CPVL: variants seen among roughly 807,000 people sequenced by gnomAD.
CPVL encodes carboxypeptidase vitellogenic like, also known as probable serine carboxypeptidase CPVL.
CPVL carries 51 observed loss-of-function variants against 63.7 expected under a neutral mutation model. That is an observed-to-expected ratio of 0.80 (90% CI 0.64 to 1.01). CPVL has a LOEUF of 1.01. CPVL is among the 50% of genes least tolerant of loss of function. The pLI is 0.00. For synonymous variants in CPVL, 195 were observed against 206.0 expected (o/e 0.95, Z 0.46); for missense variants, 530 against 573.1 (o/e 0.92, Z 0.77).
At chr7:29,088,126 T>C (rs935212734) in intron 6 of CPVL, among the ~76,000 whole-genome samples, 4 of 152,246 alleles carry the variant, frequency 2.6e-5, no homozygotes, top group African/African-American at 9.6e-5. Context: ...TATTTCCTTG[T>C]AGTATTTGCT....
intron 11 of CPVL, among the ~76,000 whole-genome samples, chr7:29,040,263 A>T (rs1236686038): frequency 1.3e-5 from 2 of 152,158 alleles, no homozygotes; most frequent in African/African-American, 4.8e-5. Context: ...CCTTCCCCCT[A>T]AGCAGAAAAG....
intron 5 of CPVL, among the ~76,000 whole-genome samples, chr7:29,161,804 T>C (rs1389915061): frequency 2.0e-5 from 3 of 152,186 alleles, no homozygotes; most frequent in Non-Finnish European, 4.4e-5. Context: ...CTATAGAATA[T>C]ATAAAGAGTT....
intron 7 of CPVL, among the ~76,000 whole-genome samples, chr7:29,077,490 A>T (rs1784347279): frequency 6.6e-6 from 1 of 152,196 alleles, no homozygotes; most frequent in African/African-American, 2.4e-5. Context: ...GGCAGGTGGA[A>T]AGAGGGAGTT....
chr7:29,031,732 G>A (rs1353345476), intron 11 of CPVL, among the ~76,000 whole-genome samples: 1 of 152,032 alleles, frequency 6.6e-6, no homozygotes, highest in Non-Finnish European at 1.5e-5. Flanking sequence ...CAATCCAGAA[G>A]TCCTATAATT....
chr7:29,037,633 C>T (rs895057700), intron 11 of CPVL, among the ~76,000 whole-genome samples: 1 of 150,978 alleles, frequency 6.6e-6, no homozygotes, highest in Non-Finnish European at 1.5e-5. Flanking sequence ...GCATGTGAAG[C>T]ATGATAAAGT....
chr7:29,039,330 C>T (rs1788843942), intron 11 of CPVL, among the ~76,000 whole-genome samples: 1 of 152,016 alleles, frequency 6.6e-6, no homozygotes. Context: ...TAGAGTATGC[C>T]TCTGAGGGGT....
chr7:29,079,973 GA>G (rs1784545075), intron 7 of CPVL, among the ~76,000 whole-genome samples: 1 of 152,164 alleles, frequency 6.6e-6, no homozygotes. Flanking sequence ...GATACAGATG[GA>G]AGAAGCATGG....
At chr7:29,179,351 TC>T (rs943213923) in intron 5 of CPVL, among the ~76,000 whole-genome samples, 3 of 152,180 alleles carry the variant, frequency 2.0e-5, no homozygotes, top group African/African-American at 7.2e-5. Context: ...CTGCCTTCCT[TC>T]CCACACAGTG....
intron 3 of CPVL, 104 bp downstream of exon 3, chr7:29,112,598 CTA>C: frequency 2.8e-6 from 2 of 703,900 alleles, no homozygotes; most frequent in Non-Finnish European, 2.4e-6. Context: ...TAGAAAAAAT[CTA>C]TGAGATTTTT....
At chr7:29,173,838 C>T (rs1001680212) in intron 5 of CPVL, among the ~76,000 whole-genome samples, 6 of 150,450 alleles carry the variant, frequency 4.0e-5, no homozygotes, top group African/African-American at 1.5e-4. Context: ...GTAATTCCAT[C>T]TTACTTGGGG....
At chr7:29,149,563 G>A (rs925135406), upstream of CPVL, among the ~76,000 whole-genome samples, 2 of 152,138 alleles carry the variant, frequency 1.3e-5, no homozygotes, top group South Asian at 4.1e-4. Flanking sequence ...TAGAACCATA[G>A]GACAGGAGTA....
intron 1 of CPVL, among the ~76,000 whole-genome samples, chr7:29,133,373 C>T (rs1180397799): frequency 6.6e-6 from 1 of 152,142 alleles, no homozygotes; most frequent in Non-Finnish European, 1.5e-5. Flanking sequence ...TTTATCGATG[C>T]CTTGCCTTCT....
At chr7:29,163,287 A>C (rs1401416657) in intron 5 of CPVL, among the ~76,000 whole-genome samples, 1 of 152,160 alleles carries the variant, frequency 6.6e-6, no homozygotes, top group Non-Finnish European at 1.5e-5. Flanking sequence ...AGTATGAAAA[A>C]CATTGTAAAA....
intron 11 of CPVL, among the ~76,000 whole-genome samples, chr7:29,044,899 T>C (rs1789466219): frequency 1.3e-5 from 2 of 152,232 alleles, no homozygotes; most frequent in Non-Finnish European, 2.9e-5. Flanking sequence ...ACTCTCACCA[T>C]GCCATGTTTA....
At chr7:29,179,221 G>T (rs943431083) in intron 5 of CPVL, among the ~76,000 whole-genome samples, 3 of 152,174 alleles carry the variant, frequency 2.0e-5, no homozygotes, top group African/African-American at 4.8e-5. Flanking sequence ...CCTTCAGAAG[G>T]CTCCATCCCC....
At chr7:29,012,098 C>T (rs1785907417) in intron 12 of CPVL, 1 of 152,140 alleles carries the variant, frequency 6.6e-6, no homozygotes, top group African/African-American at 2.4e-5. Flanking sequence ...GTTAAGAATC[C>T]TTATTAAATA....
intron 11 of CPVL, among the ~76,000 whole-genome samples, chr7:29,044,932 C>A (rs1789469190): frequency 6.6e-6 from 1 of 152,230 alleles, no homozygotes; most frequent in Non-Finnish European, 1.5e-5. Context: ...TGAAATTCTA[C>A]ATTTCCTGTA....
At chr7:29,035,936 G>T in intron 11 of CPVL, among the ~76,000 whole-genome samples, 1 of 152,154 alleles carries the variant, frequency 6.6e-6, no homozygotes, top group East Asian at 1.9e-4. Context: ...CCTGGAATTG[G>T]AATCATGGGC....
At chr7:29,174,735 C>T (rs1020504754) in intron 5 of CPVL, among the ~76,000 whole-genome samples, 1 of 151,938 alleles carries the variant, frequency 6.6e-6, no homozygotes, top group African/African-American at 2.4e-5. Context: ...TGGCACACAC[C>T]TGTAATCCCA....
Sources: gnomAD v4.1 joint callset for allele counts (sites outside exome capture counted in the v4.1 genomes callset) on GRCh38, gnomAD v4.1.1 for gene constraint, MANE v1.5 for transcripts, NCBI Gene and HGNC (gene_info 2026-07-23, HGNC 2026-07-21) for gene names.